Variants in RFX3 observed in about 807,000 individuals in gnomAD.
The protein encoded by RFX3 is regulatory factor X3.
In RFX3, 14 loss-of-function variants were observed where a neutral mutation model predicts 98.6. That is an observed-to-expected ratio of 0.14 (90% CI 0.09 to 0.22). The LOEUF is 0.22. RFX3 is among the 10% of genes least tolerant of loss of function. The pLI, the probability that RFX3 is intolerant of heterozygous loss-of-function variation, is 1.00. For synonymous variants in RFX3, 383 were observed against 328.4 expected (o/e 1.17, Z -1.80); for missense variants, 639 against 926.9 (o/e 0.69, Z 4.03).
chr9:3,368,282 T>A (rs1466123309), intron 2 of RFX3, among the ~76,000 whole-genome samples: 1 of 152,182 alleles, frequency 6.6e-6, no homozygotes, highest in Non-Finnish European at 1.5e-5. Flanking sequence ...GATACCAGGA[T>A]GACAAGACAA....
intron 1 of RFX3, among the ~76,000 whole-genome samples, chr9:3,509,245 G>C (rs1817429613): frequency 6.6e-6 from 1 of 151,966 alleles, no homozygotes; most frequent in African/African-American, 2.4e-5. Context: ...AGCTGGGCAA[G>C]TCTCAGCTTG....
At chr9:3,306,656 C>T (rs997368530) in intron 4 of RFX3, among the ~76,000 whole-genome samples, 4 of 150,412 alleles carry the variant, frequency 2.7e-5, no homozygotes, top group Admixed American at 6.6e-5. Flanking sequence ...TGCTAAATGA[C>T]GAATTAATGG....
At chr9:3,418,751 A>G (rs548497093) in intron 1 of RFX3, among the ~76,000 whole-genome samples, 2 of 152,320 alleles carry the variant, frequency 1.3e-5, no homozygotes, top group Admixed American at 1.3e-4. Context: ...TTAAAATAGG[A>G]TATCATCATA....
At chr9:3,357,166 T>C (rs1835877266) in intron 2 of RFX3, among the ~76,000 whole-genome samples, 1 of 152,068 alleles carries the variant, frequency 6.6e-6, no homozygotes, top group Admixed American at 6.6e-5. Context: ...CCCAATCATA[T>C]TTTAGATAAA....
chr9:3,429,313 C>T (rs1431961789), intron 1 of RFX3, among the ~76,000 whole-genome samples: 2 of 150,840 alleles, frequency 1.3e-5, no homozygotes, highest in South Asian at 2.1e-4. Context: ...TGAGCCACCG[C>T]GCCCGGCCAA....
intron 6 of RFX3, among the ~76,000 whole-genome samples, chr9:3,288,825 A>G (rs1396850667): frequency 6.6e-6 from 1 of 152,166 alleles, no homozygotes; most frequent in African/African-American, 2.4e-5. Flanking sequence ...CCTAAAAAGA[A>G]AGTAAGCCTT....
At chr9:3,360,115 C>T (rs532995778) in intron 2 of RFX3, among the ~76,000 whole-genome samples, 4 of 152,158 alleles carry the variant, frequency 2.6e-5, no homozygotes, top group South Asian at 4.1e-4. Flanking sequence ...TTTAAACTGA[C>T]ACATTTACTA....
intron 1 of RFX3, among the ~76,000 whole-genome samples, chr9:3,418,049 T>C (rs1409724432): frequency 3.9e-5 from 6 of 152,194 alleles, no homozygotes; most frequent in African/African-American, 1.2e-4. Context: ...CTGTGCTTTA[T>C]TTGTAAATTT....
At chr9:3,487,091 A>G (rs10814148) in intron 1 of RFX3, among the ~76,000 whole-genome samples, 19,151 of 152,066 alleles carry the variant, frequency 0.13, 2,177 homozygotes, top group East Asian at 0.57. Flanking sequence ...CCTGGGCTCA[A>G]GGGATCCTTC....
chr9:3,458,346 G>A (rs894874088), intron 1 of RFX3, among the ~76,000 whole-genome samples: 1 of 152,134 alleles, frequency 6.6e-6, no homozygotes, highest in Non-Finnish European at 1.5e-5. Context: ...AAAGAGTGCT[G>A]AGGTCAAAAT....
intron 1 of RFX3, among the ~76,000 whole-genome samples, chr9:3,430,864 T>C (rs1424179245): frequency 6.6e-6 from 1 of 152,156 alleles, no homozygotes; most frequent in Non-Finnish European, 1.5e-5. Flanking sequence ...TATGTCATGA[T>C]GCATAAAATA....
rs1563752002 is a variant in RFX3, at chr9:3,218,356, A to G, written c.*6686T>C. 1.3e-5 allele frequency: 2 copies of G among 152,170 alleles called. No homozygotes were observed. The highest frequency in any genetic ancestry group is 4.8e-5 in the African/African-American group (2 of 41,452). 9.4% of individuals were successfully genotyped at this position (152,170 alleles called of 1,614,324 possible). On this transcript the variant is annotated 3_prime_UTR_variant, in exon 17 of 17. Coordinates refer to ENST00000617270, the MANE Select transcript of RFX3 (RefSeq NM_001282116.2). ...AAAGACAAGACACCATTTTGTTTTG[A>G]AAAACACAAGAAAGCTAGCCTGAGT...
At chr9:3,254,295 A>G (rs1263313698) in intron 14 of RFX3, among the ~76,000 whole-genome samples, 4 of 151,318 alleles carry the variant, frequency 2.6e-5, no homozygotes, top group Non-Finnish European at 5.9e-5. Context: ...AACCAACCAC[A>G]GGTAGACGTA....
intron 2 of RFX3, among the ~76,000 whole-genome samples, chr9:3,352,773 T>C (rs1009477059): frequency 6.6e-6 from 1 of 152,098 alleles, no homozygotes; most frequent in Non-Finnish European, 1.5e-5. Context: ...AATCCTGCCA[T>C]GATCCTGGGT....
chr9:3,428,941 G>C (rs1027232865), intron 1 of RFX3, among the ~76,000 whole-genome samples: 9 of 151,462 alleles, frequency 5.9e-5, no homozygotes, highest in African/African-American at 2.2e-4. Context: ...CAGTGCCAAG[G>C]GCCCATAATA....
intron 1 of RFX3, among the ~76,000 whole-genome samples, chr9:3,467,634 C>T (rs182982706): frequency 7.9e-5 from 12 of 152,116 alleles, no homozygotes; most frequent in Admixed American, 7.2e-4. Flanking sequence ...TAAATCAAGA[C>T]ATCCAACAGA....
At chr9:3,443,119 T>C (rs930400580) in intron 1 of RFX3, among the ~76,000 whole-genome samples, 1 of 152,198 alleles carries the variant, frequency 6.6e-6, no homozygotes, top group Non-Finnish European at 1.5e-5. Context: ...ATACTCAACA[T>C]CATTAATCAT....
At chr9:3,378,555 CT>C (rs869126415) in intron 2 of RFX3, among the ~76,000 whole-genome samples, 2,046 of 125,026 alleles carry the variant, frequency 0.016, 18 homozygotes, top group African/African-American at 0.048. Context: ...TTTTTTCTTT[CT>C]TTTTTTTTTT....
At chr9:3,247,114 G>A (rs1240121379) in intron 15 of RFX3, 1 of 985,100 alleles carries the variant, frequency 1.0e-6, no homozygotes. Context: ...ACCGCCTTGG[G>A]TAATTTGTCA....
Sources: allele counts gnomAD v4.1 joint callset (sites outside exome capture counted in the v4.1 genomes callset), GRCh38; gene constraint gnomAD v4.1.1; transcripts MANE v1.5; gene names NCBI Gene and HGNC (gene_info 2026-07-23, HGNC 2026-07-21).